The following DENND5B variants were observed in gnomAD, a reference collection of about 807,000 sequenced individuals.
DENND5B encodes the protein DENN domain containing 5B.
In DENND5B, 34 loss-of-function variants were observed where a neutral mutation model predicts 140.6. The ratio of observed to expected loss-of-function variants is 0.24; its 90% CI spans 0.18 to 0.32. DENND5B has a LOEUF of 0.32. Among genes scored for constraint, DENND5B ranks in the 10% least tolerant of loss-of-function variants. DENND5B has a pLI of 1.00. For synonymous variants in DENND5B, 551 were observed against 562.1 expected (o/e 0.98, Z 0.28); for missense variants, 1,142 against 1,560.2 (o/e 0.73, Z 4.52).
intron 16 of DENND5B, among the ~76,000 whole-genome samples, chr12:31,398,892 T>C (rs1288975031): frequency 2.0e-5 from 3 of 151,648 alleles, no homozygotes; most frequent in South Asian, 2.1e-4. Flanking sequence ...GAGGCCAAGG[T>C]GGGTGGAACA....
intron 8 of DENND5B, among the ~76,000 whole-genome samples, chr12:31,429,986 T>C (rs1565570426): frequency 6.6e-6 from 1 of 151,698 alleles, no homozygotes; most frequent in Non-Finnish European, 1.5e-5. Flanking sequence ...GGATTATAGG[T>C]GTGAGCCACC....
intron 6 of DENND5B, among the ~76,000 whole-genome samples, chr12:31,444,678 A>C (rs1011418957): frequency 1.3e-5 from 2 of 152,254 alleles, no homozygotes; most frequent in African/African-American, 4.8e-5. Context: ...ATTGGTGCTT[A>C]GTTCCATCTA....
At chr12:31,399,156 GAA>G (rs1292503122) in intron 16 of DENND5B, among the ~76,000 whole-genome samples, 2 of 71,880 alleles carry the variant, frequency 2.8e-5, no homozygotes, top group African/African-American at 1.0e-4. Flanking sequence ...GAGAGAGAAA[GAA>G]AAAAAAAAGT....
At chr12:31,572,786 A>T (rs766703760) in intron 1 of DENND5B, among the ~76,000 whole-genome samples, 5 of 152,220 alleles carry the variant, frequency 3.3e-5, no homozygotes, top group Admixed American at 6.5e-5. Context: ...GAGACAACAA[A>T]TAGGGAATAA....
At chr12:31,457,960 C>T (rs1473636756) in intron 4 of DENND5B, among the ~76,000 whole-genome samples, 5 of 151,980 alleles carry the variant, frequency 3.3e-5, no homozygotes, top group East Asian at 1.9e-4. Context: ...GTGATCCGCC[C>T]GCCTCAGCCT....
chr12:31,448,692 G>A (rs926503650), intron 5 of DENND5B, among the ~76,000 whole-genome samples: 1 of 152,162 alleles, frequency 6.6e-6, no homozygotes, highest in Admixed American at 6.6e-5. Flanking sequence ...TGACACAACA[G>A]TCTCAGCCTT....
At chr12:31,584,142 T>C (rs932319039) in intron 1 of DENND5B, among the ~76,000 whole-genome samples, 11 of 152,216 alleles carry the variant, frequency 7.2e-5, no homozygotes, top group Non-Finnish European at 1.6e-4. Flanking sequence ...CAAAAGGATG[T>C]GCACAGGAAT....
Position 31,447,589 on chromosome 12 carries a change from G to A in DENND5B, c.1810C>T (p.Pro604Ser), listed in dbSNP as rs751889421. The stretch of plus-strand genomic sequence containing the variant: ...TGATATATAGATGTCCGCAAGGTGG[G>A]TGCCCTTACATTATACAGCCTTATC... Reference protein sequence around the residue: ...DKIRLYNVRAPTLRTSIYQKC... With the variant: ...DKIRLYNVRASTLRTSIYQKC... The change falls in exon 6 of 21, where the codon CCC becomes TCC. Residue 604 changes from proline to serine, a missense_variant. Around this residue, in one of 5 missense-constraint regions of DENND5B, gnomAD observed 708 missense variants for 905.5 expected, o/e 0.78. Transcript: ENST00000389082. 11 of 1,613,880 alleles carry A rather than the reference G, an allele frequency of 6.8e-6. No homozygotes were observed. Among genetic ancestry groups the A allele is most frequent in the South Asian group, 1.1e-5 (1 of 91,064 alleles).
intron 1 of DENND5B, among the ~76,000 whole-genome samples, chr12:31,533,734 A>G (rs1408693840): frequency 1.3e-5 from 2 of 152,200 alleles, no homozygotes; most frequent in Non-Finnish European, 2.9e-5. Context: ...TAGAATAAAG[A>G]TCACATGTAG....
chr12:31,446,007 C>CA (rs1207608063), intron 6 of DENND5B, among the ~76,000 whole-genome samples: 1 of 134,684 alleles, frequency 7.4e-6, no homozygotes, highest in Non-Finnish European at 1.6e-5. Flanking sequence ...GACCCTGTCT[C>CA]AAAAGAAAAA....
intron 2 of DENND5B, among the ~76,000 whole-genome samples, chr12:31,490,252 T>A (rs1397532019): frequency 7.6e-6 from 1 of 131,116 alleles, no homozygotes; most frequent in Non-Finnish European, 1.6e-5. Flanking sequence ...AGGATGGGGG[T>A]GGCGGGGGCA....
chr12:31,461,651 G>C (rs553033044), intron 3 of DENND5B, among the ~76,000 whole-genome samples: 11 of 152,252 alleles, frequency 7.2e-5, no homozygotes, highest in African/African-American at 2.6e-4. Flanking sequence ...TGTCCCAGTA[G>C]GACAGATAAT....
At chr12:31,552,381 T>C (rs923674628) in intron 1 of DENND5B, among the ~76,000 whole-genome samples, 16 of 152,250 alleles carry the variant, frequency 1.1e-4, no homozygotes, top group Non-Finnish European at 1.9e-4. Context: ...TTTGTGTATG[T>C]TGAACCAGCC....
At chr12:31,402,265 C>A (rs1941844933) in intron 15 of DENND5B, among the ~76,000 whole-genome samples, 1 of 152,004 alleles carries the variant, frequency 6.6e-6, no homozygotes. Flanking sequence ...ACCTAGAAAG[C>A]CCCAAAGCAC....
intron 9 of DENND5B, 102 bp from the exon 10 acceptor site, chr12:31,424,789 C>CT: frequency 1.4e-6 from 2 of 1,439,460 alleles, no homozygotes; most frequent in South Asian, 1.4e-5. Flanking sequence ...CATTATACTT[C>CT]TATTTGCAGA....
At position 31,452,333 on chromosome 12, in the gene DENND5B, A is replaced by G. The variant is rs749810884; in HGVS notation, c.1236T>C (p.His412=). The stretch of plus-strand genomic sequence containing the variant: ...TCAGTTTGCTGGTACTCTCACTGCA[A>G]TGTAGGCTGCCCTCAGGAGGGATCC... ...QFGIPPEGSL[H]CSESTSKLKN... Residue 412 remains histidine (H), a synonymous_variant, in exon 5 of 21, where the codon CAT becomes CAC. Transcript: ENST00000389082. 3 of 1,614,018 alleles carry G rather than the reference A, an allele frequency of 1.9e-6. No homozygotes were observed. The highest frequency in any genetic ancestry group is 2.2e-5 in the South Asian group (2 of 91,086).
rs571008621 is a variant in DENND5B, at chr12:31,542,236, C to T, written c.128-46317G>A. Among the ~76,000 whole-genome samples, 54 of 149,694 alleles carry T rather than the reference C, an allele frequency of 3.6e-4. 3 individuals are homozygous for T. The South Asian group carries it at 9.6e-3, about 26-fold the overall frequency. On this transcript the variant is annotated intron_variant, in intron 1 of 20. Coordinates refer to ENST00000389082, the MANE Select transcript of DENND5B (RefSeq NM_144973.4). ...CTGGGAGGTGGAGGTTGCAGTGAGC[C>T]GAGATCGCACCACTGCACTCCAGCC...
chr12:31,512,753 A>T (rs1371391609), intron 1 of DENND5B, among the ~76,000 whole-genome samples: 1 of 152,208 alleles, frequency 6.6e-6, no homozygotes, highest in Non-Finnish European at 1.5e-5. Context: ...CATTGTTTTA[A>T]GAAACTTTTT....
chr12:31,460,309 TA>T lies in DENND5B; in HGVS notation c.976del (p.Tyr326MetfsTer20), dbSNP rs779251627. ...LLFPFQWQHV[Y>X]VPILPASLLH... ...CAGAGAAGCAGGTAGAATGGGCACA[TA>T]AACATGTTGCCATTGAAATGGGAAC... is the stretch of plus-strand genomic sequence containing the variant. On this transcript the variant is annotated frameshift_variant, in exon 4 of 21. Transcript: ENST00000389082. LOFTEE classifies it high-confidence loss of function. The T allele has an allele frequency of 6.2e-7, 1 of 1,613,904 alleles. No individual in the cohort carries two copies. Among genetic ancestry groups the T allele is most frequent in the Non-Finnish European group, 8.5e-7 (1 of 1,179,868 alleles).
Sources: allele counts gnomAD v4.1 joint callset (sites outside exome capture counted in the v4.1 genomes callset), GRCh38; gene constraint gnomAD v4.1.1; regional missense constraint gnomAD v4.1.1; transcripts MANE v1.5; gene names NCBI Gene and HGNC (gene_info 2026-07-23, HGNC 2026-07-21).